The following SYT10 variants were observed in gnomAD, a reference collection of about 807,000 sequenced individuals.
SYT10 encodes the protein synaptotagmin 10, also known as synaptotagmin-10.
SYT10 carries 31 observed loss-of-function variants against 51.1 expected under a neutral mutation model. The observed-to-expected ratio is 0.61, with a 90% CI of 0.46 to 0.82. The LOEUF is 0.82. Among genes scored for constraint, SYT10 ranks in the 40% least tolerant of loss-of-function variants. The pLI is 0.00. For synonymous variants in SYT10, 233 were observed against 225.9 expected, an observed-to-expected ratio of 1.03 and a Z score of -0.28; for missense variants, 603 against 634.0, an observed-to-expected ratio of 0.95 and a Z score of 0.53.
Position 33,426,193 on chromosome 12 carries a change from A to G in SYT10, c.454T>C (p.Leu152=). Residue 152 remains leucine, a synonymous_variant, in exon 2 of 7, where the codon TTA becomes CTA. Transcript: ENST00000228567. The part of the protein sequence containing the change: ...AEVQTALKEH[L]IKHARVQRQI... ...CTTTGCACACGTGCATGTTTAATTA[A>G]ATGTTCTTTTAAAGCAGTTTGGACT... The G allele has an allele frequency of 1.2e-6, 2 of 1,612,378 alleles. No homozygotes were observed. The highest frequency in any genetic ancestry group is 1.7e-6 in the Non-Finnish European group (2 of 1,179,664).
intron 3 of SYT10, among the ~76,000 whole-genome samples, chr12:33,401,584 T>A (rs181842157): frequency 6.6e-6 from 1 of 152,346 alleles, no homozygotes. Flanking sequence ...TTCAACCTGA[T>A]AACATTTTTC....
At chr12:33,408,580 T>C (rs576237066) in intron 2 of SYT10, among the ~76,000 whole-genome samples, 5 of 152,324 alleles carry the variant, frequency 3.3e-5, no homozygotes, top group East Asian at 3.9e-4. Context: ...TCTTTTGTTA[T>C]ATTTCTTGTC....
At chr12:33,428,756 A>G (rs1866572668) in intron 1 of SYT10, among the ~76,000 whole-genome samples, 2 of 152,190 alleles carry the variant, frequency 1.3e-5, no homozygotes, top group Admixed American at 6.5e-5. Context: ...AATACAAAAA[A>G]TTAGCCAGGC....
At chr12:33,389,997 A>G (rs539540662) in intron 3 of SYT10, among the ~76,000 whole-genome samples, 2 of 152,340 alleles carry the variant, frequency 1.3e-5, no homozygotes, top group Admixed American at 6.5e-5. Flanking sequence ...CCTTGGTATA[A>G]CATGAGGTGC....
In SYT10 at chr12:33,439,343, G is replaced by C. The variant is rs746617416; in HGVS notation, c.151+29C>G. ...AGCGCGCGGGGTCCCAGCGGAGCGC[G>C]AGGACGCGAGCGGAGCCCTCCCGGT... On this transcript the variant is annotated intron_variant, in intron 1 of 6. Transcript: ENST00000228567. 9 of 1,599,112 alleles carry C rather than the reference G, an allele frequency of 5.6e-6. No individual in the cohort carries two copies. In the East Asian group the frequency reaches 1.8e-4, roughly 32 times the overall value.
chr12:33,417,764 TGCA>T (rs767784315), intron 2 of SYT10, among the ~76,000 whole-genome samples: 15 of 152,246 alleles, frequency 9.9e-5, no homozygotes, highest in Non-Finnish European at 1.9e-4. Flanking sequence ...GGTTTTGCCC[TGCA>T]AATACAAAAA....
intron 3 of SYT10, among the ~76,000 whole-genome samples, chr12:33,403,654 C>G (rs1281230710): frequency 3.3e-5 from 5 of 152,204 alleles, no homozygotes; most frequent in Non-Finnish European, 1.5e-5. Context: ...AGAGCATATA[C>G]TGCATTTCTT....
chr12:33,386,251 T>A (rs146417371), intron 3 of SYT10, among the ~76,000 whole-genome samples: 12 of 152,276 alleles, frequency 7.9e-5, no homozygotes, highest in African/African-American at 2.9e-4. Context: ...TCAAGTGATG[T>A]GCCCACCTCA....
At chr12:33,383,267 A>G (rs1405444789) in intron 4 of SYT10, among the ~76,000 whole-genome samples, 1 of 151,436 alleles carries the variant, frequency 6.6e-6, no homozygotes, top group Non-Finnish European at 1.5e-5. Context: ...TACACTAGAT[A>G]GTTAAACAAT....
In SYT10 at chr12:33,425,265, T is replaced by C. The variant is rs112633675; in HGVS notation, c.509+873A>G. ...GCAGTTACCTCTCAATAAGAGACCA[T>C]TGATTTTACCCTGCCCTAGAATAAA... On this transcript the variant is annotated intron_variant, in intron 2 of 6. Coordinates refer to ENST00000228567, the MANE Select transcript of SYT10 (RefSeq NM_198992.4). Among the ~76,000 whole-genome samples, 272 of 152,212 alleles carry C rather than the reference T, an allele frequency of 1.8e-3. 1 individual carries two copies. The highest frequency in any genetic ancestry group is 6.5e-3 in the African/African-American group (270 of 41,548).
intron 6 of SYT10, among the ~76,000 whole-genome samples, chr12:33,378,502 C>T (rs968348567): frequency 1.3e-5 from 2 of 152,074 alleles, no homozygotes; most frequent in Non-Finnish European, 1.5e-5. Flanking sequence ...TAGTTGGAGA[C>T]GTAGTGAACA....
chr12:33,419,856 T>A (rs1866486612), intron 2 of SYT10, among the ~76,000 whole-genome samples: 1 of 152,210 alleles, frequency 6.6e-6, no homozygotes, highest in Non-Finnish European at 1.5e-5. Flanking sequence ...AAATATAGAC[T>A]GAAGCCTTAA....
At chr12:33,395,565 C>T (rs532591851) in intron 3 of SYT10, among the ~76,000 whole-genome samples, 1 of 152,122 alleles carries the variant, frequency 6.6e-6, no homozygotes. Flanking sequence ...AGAATAATAA[C>T]CCAAATATGG....
rs181933524 is a variant in SYT10 at position 33,374,697 on chromosome 12, T to C, written c.*2133A>G. The stretch of plus-strand genomic sequence containing the variant: ...AGTTTATTCTAACTTCAAGGAAACA[T>C]TTAAAAAATTCTTTTAAAACTTATT... On this transcript the variant is annotated 3_prime_UTR_variant, in exon 7 of 7. Coordinates refer to ENST00000228567, the MANE Select transcript of SYT10 (RefSeq NM_198992.4). 1.1e-3 allele frequency: 169 copies of C among 152,100 alleles called. No homozygotes were observed. Among genetic ancestry groups the C allele is most frequent in the African/African-American group, 3.9e-3 (162 of 41,554 alleles). 9.4% of individuals were successfully genotyped at this position (152,100 alleles called of 1,614,324 possible).
intron 3 of SYT10, among the ~76,000 whole-genome samples, chr12:33,392,985 T>TTAA (rs371711977): frequency 3.2e-4 from 19 of 59,088 alleles, no homozygotes; most frequent in African/African-American, 1.7e-3. Flanking sequence ...TTTTTGCCAT[T>TTAA]AAAAAAAAAA....
intron 1 of SYT10, chr12:33,432,838 A>G (rs2138439704): frequency 6.6e-6 from 1 of 152,198 alleles, no homozygotes. Flanking sequence ...AAGGAAAAAA[A>G]GTCATTAATA....
intron 3 of SYT10, among the ~76,000 whole-genome samples, chr12:33,387,747 GTTTTT>G (rs34524429): frequency 8.2e-6 from 1 of 122,680 alleles, no homozygotes; most frequent in Non-Finnish European, 1.7e-5. Context: ...CTTCTAACAT[GTTTTT>G]TTTTTTTTTT....
Position 33,379,825 on chromosome 12 carries a change from A to C in SYT10, c.1500+7T>G, listed in dbSNP as rs1866097986. On this transcript the variant is annotated splice_region_variant and intron_variant, in intron 6 of 6. Coordinates refer to ENST00000228567, the MANE Select transcript of SYT10 (RefSeq NM_198992.4). Reference sequence around the variant, plus strand: ...AAAGAGCAGACGTAAGGAACTCACAAGCTTACCTCCAGCAATGGGTGCCAG... The same window carrying C: ...AAAGAGCAGACGTAAGGAACTCACACGCTTACCTCCAGCAATGGGTGCCAG... The C allele has an allele frequency of 1.2e-6, 2 of 1,613,636 alleles. No homozygotes were observed. Among genetic ancestry groups the C allele is most frequent in the Non-Finnish European group, 1.7e-6 (2 of 1,179,812 alleles).
intron 3 of SYT10, among the ~76,000 whole-genome samples, chr12:33,403,826 T>C (rs1866328338): frequency 6.6e-6 from 1 of 152,116 alleles, no homozygotes; most frequent in Non-Finnish European, 1.5e-5. Flanking sequence ...AGATGTAACA[T>C]TGTTTAATGA....
Sources: gnomAD v4.1 joint callset for allele counts (sites outside exome capture counted in the v4.1 genomes callset) on GRCh38, gnomAD v4.1.1 for gene constraint, MANE v1.5 for transcripts, NCBI Gene and HGNC (gene_info 2026-07-23, HGNC 2026-07-21) for gene names.